Variants in FGF1 observed in about 807,000 individuals in gnomAD.
The protein encoded by FGF1 is fibroblast growth factor 1, also known as beta-endothelial cell growth factor.
In FGF1, 9 loss-of-function variants were observed where a neutral mutation model predicts 13.4. The observed-to-expected ratio is 0.67, with a 90% CI of 0.40 to 1.17. FGF1 has a LOEUF of 1.17. Ranked by LOEUF, FGF1 falls within the 50% of genes most tolerant of loss-of-function variation. The pLI, the probability that FGF1 is intolerant of heterozygous loss-of-function variation, is 0.01. For missense variants in FGF1, 156 were observed against 192.7 expected, an observed-to-expected ratio of 0.81 and a Z score of 1.13; for synonymous variants, 93 against 79.0, an observed-to-expected ratio of 1.18 and a Z score of -0.94.
At chr5:142,685,908 C>T (rs1482035376) in intron 1 of FGF1, 49 bp downstream of exon 1, 1 of 151,232 alleles carries the variant, frequency 6.6e-6, no homozygotes, top group African/African-American at 2.4e-5. Context: ...CACACACAAC[C>T]TCAGCTATAA....
rs111398022 is a variant in FGF1, at chr5:142,669,046, G to A, written c.-35+16911C>T. ...GGGTGGGCAAGTAGAGGGCATCTTCGCCCAGCATGCATGGCTGATGCCGCT... is the reference window on the plus strand; with the variant it reads ...GGGTGGGCAAGTAGAGGGCATCTTCACCCAGCATGCATGGCTGATGCCGCT... On this transcript the variant is annotated intron_variant, in intron 1 of 3. Coordinates refer to ENST00000337706, the MANE Select transcript of FGF1 (RefSeq NM_000800.5). Among the ~76,000 whole-genome samples, 98 of 152,336 alleles carry A rather than the reference G, an allele frequency of 6.4e-4. 1 individual carries two copies. The highest frequency in any genetic ancestry group is 2.2e-3 in the African/African-American group (90 of 41,582).
At chr5:142,645,781 C>T (rs984742382) in intron 1 of FGF1, among the ~76,000 whole-genome samples, 3 of 152,178 alleles carry the variant, frequency 2.0e-5, no homozygotes, top group Non-Finnish European at 4.4e-5. Context: ...GCTTCCACAC[C>T]CTTACTTCCT....
At chr5:142,652,649 A>G (rs922488385) in intron 1 of FGF1, among the ~76,000 whole-genome samples, 2 of 152,088 alleles carry the variant, frequency 1.3e-5, no homozygotes, top group Non-Finnish European at 2.9e-5. Context: ...ACTACTCTCC[A>G]TCTCAGCCCT....
chr5:142,614,177 C>A lies in FGF1; in HGVS notation c.-34-16G>T, dbSNP rs778012908. ...GCTTTCAAGACTGTAAGAAATTGAA[C>A]AAACCTGTAGTCGGTTCTTCCAGCA... is the stretch of plus-strand genomic sequence containing the variant. On this transcript the variant is annotated splice_polypyrimidine_tract_variant and intron_variant, in intron 1 of 3. Transcript: ENST00000337706. 1 of 1,601,604 alleles carries A rather than the reference C, an allele frequency of 6.2e-7. No individual in the cohort carries two copies. The highest frequency in any genetic ancestry group is 8.5e-7 in the Non-Finnish European group (1 of 1,170,330).
intron 1 of FGF1, among the ~76,000 whole-genome samples, chr5:142,633,616 G>A (rs1239125838): frequency 6.6e-6 from 1 of 152,196 alleles, no homozygotes; most frequent in Non-Finnish European, 1.5e-5. Context: ...CCAGCAGTGT[G>A]GGCCTGTGAC....
At chr5:142,663,249 GAAAA>G (rs60474431) in intron 1 of FGF1, among the ~76,000 whole-genome samples, 1 of 138,654 alleles carries the variant, frequency 7.2e-6, no homozygotes, top group African/African-American at 2.5e-5. Context: ...AATCAGGAAA[GAAAA>G]AAAAAAAAAA....
chr5:142,688,090 C>T (rs1597475137), upstream of FGF1, among the ~76,000 whole-genome samples: 1 of 152,310 alleles, frequency 6.6e-6, no homozygotes, highest in South Asian at 2.1e-4. Context: ...TTTAAACACA[C>T]ACACTCACAC....
At chr5:142,688,673 A>G (rs1045487100), upstream of FGF1, among the ~76,000 whole-genome samples, 2 of 152,344 alleles carry the variant, frequency 1.3e-5, no homozygotes, top group East Asian at 3.9e-4. Flanking sequence ...GGGTCCCTGG[A>G]GAAAGGAAGA....
At chr5:142,680,577 C>T (rs572996115) in intron 1 of FGF1, 2 of 152,190 alleles carry the variant, frequency 1.3e-5, no homozygotes, top group East Asian at 1.9e-4. Context: ...ATAGTAATAC[C>T]TCACTTATGG....
intron 2 of FGF1, among the ~76,000 whole-genome samples, chr5:142,694,905 A>G (rs920640562): frequency 1.2e-4 from 18 of 152,148 alleles, no homozygotes; most frequent in African/African-American, 4.3e-4. Context: ...CAGTAGAGGT[A>G]CTGGGCACCC....
chr5:142,626,852 G>A (rs774150031), intron 1 of FGF1: 5 of 152,242 alleles, frequency 3.3e-5, no homozygotes, highest in Non-Finnish European at 7.3e-5. Context: ...GAAATGTCAT[G>A]AAAATGGAAA....
intron 1 of FGF1, among the ~76,000 whole-genome samples, chr5:142,674,778 A>G (rs918426092): frequency 6.6e-6 from 1 of 152,188 alleles, no homozygotes; most frequent in Non-Finnish European, 1.5e-5. Context: ...ATCCTAGAGC[A>G]AGACGTGGTT....
At chr5:142,694,847 G>A (rs1752853235) in intron 2 of FGF1, among the ~76,000 whole-genome samples, 1 of 147,986 alleles carries the variant, frequency 6.8e-6, no homozygotes, top group Non-Finnish European at 1.5e-5. Flanking sequence ...AGGCTCTGGG[G>A]CAGGGGAGTG....
At chr5:142,606,218 C>CTCTG (rs151219206) in intron 2 of FGF1, among the ~76,000 whole-genome samples, 1,537 of 143,134 alleles carry the variant, frequency 0.011, 10 homozygotes, top group African/African-American at 0.021. Flanking sequence ...CTTTCTCTCT[C>CTCTG]TGTGTGTGTG....
At position 142,594,263 on chromosome 5, in the gene FGF1, G is replaced by A. The variant is rs1284464810; in HGVS notation, c.*1027C>T. 5.3e-5 allele frequency: 8 copies of A among 152,252 alleles called. No individual in the cohort carries two copies. The highest frequency in any genetic ancestry group is 2.0e-4 in the Admixed American group (3 of 15,278). 9.4% of individuals were successfully genotyped at this position (152,252 alleles called of 1,614,324 possible). A position where few individuals can be genotyped will look rare whatever the true frequency, so the allele number is the denominator to read the frequency against. ...ACCTGCACCTGGGGGGGACCTGATG[G>A]AACTGCAGAAACTCTGCCCCCAACC... On this transcript the variant is annotated 3_prime_UTR_variant, in exon 4 of 4. Coordinates refer to ENST00000337706, the MANE Select transcript of FGF1 (RefSeq NM_000800.5).
At chr5:142,619,303 A>G (rs1038523575) in intron 1 of FGF1, among the ~76,000 whole-genome samples, 2 of 152,172 alleles carry the variant, frequency 1.3e-5, no homozygotes, top group African/African-American at 2.4e-5. Context: ...GATATTTTGC[A>G]GAGTATATAA....
intron 1 of FGF1, among the ~76,000 whole-genome samples, chr5:142,661,810 T>C (rs910034001): frequency 6.6e-6 from 1 of 152,164 alleles, no homozygotes. Flanking sequence ...GAGACCATCC[T>C]GGCTAACACG....
At chr5:142,598,119 G>A (rs1358010001) in intron 3 of FGF1, among the ~76,000 whole-genome samples, 2 of 152,188 alleles carry the variant, frequency 1.3e-5, no homozygotes, top group Non-Finnish European at 2.9e-5. Flanking sequence ...GTTGTTGGGG[G>A]TAGAAGGAGG....
chr5:142,608,408 G>A (rs1404921022), intron 2 of FGF1, among the ~76,000 whole-genome samples: 2 of 151,704 alleles, frequency 1.3e-5, no homozygotes, highest in African/African-American at 4.8e-5. Flanking sequence ...TAATTAAAAT[G>A]TAGCCACAAG....
Sources: allele counts gnomAD v4.1 joint callset (sites outside exome capture counted in the v4.1 genomes callset), GRCh38; gene constraint gnomAD v4.1.1; transcripts MANE v1.5; gene names NCBI Gene and HGNC (gene_info 2026-07-23, HGNC 2026-07-21).